The following KIF3C variants were observed in gnomAD, a reference collection of about 807,000 sequenced individuals.
KIF3C encodes kinesin-like protein KIF3C.
Under a neutral mutation model 67.7 loss-of-function variants are expected in KIF3C, and 12 were observed. That is an observed-to-expected ratio of 0.18 (90% CI 0.11 to 0.29). The LOEUF (loss-of-function observed/expected upper bound fraction) is 0.29, where lower values mean the gene tolerates loss of function less well. Ranked by LOEUF, KIF3C falls within the 10% of genes least tolerant of loss-of-function variation. The pLI, the probability that KIF3C is intolerant of heterozygous loss-of-function variation, is 1.00. For synonymous variants in KIF3C, 393 were observed against 426.2 expected, an observed-to-expected ratio of 0.92 and a Z score of 0.96; for missense variants, 789 against 1,059.6, an observed-to-expected ratio of 0.74 and a Z score of 3.55.
intron 5 of KIF3C, among the ~76,000 whole-genome samples, chr2:25,936,086 CAAAAA>C (rs529952771): frequency 4.4e-5 from 6 of 135,300 alleles, no homozygotes; most frequent in Middle Eastern, 3.6e-3. Flanking sequence ...GACTCAGTCT[CAAAAA>C]AAAAAAACAA....
At chr2:25,948,843 T>C (rs1663519169) in intron 5 of KIF3C, among the ~76,000 whole-genome samples, 1 of 152,154 alleles carries the variant, frequency 6.6e-6, no homozygotes, top group African/African-American at 2.4e-5. Context: ...CTGGATCATG[T>C]GCTTGAGGCA....
At chr2:25,930,128 G>A in intron 5 of KIF3C, 65 bp from the exon 6 acceptor site, 7 of 1,302,084 alleles carry the variant, frequency 5.4e-6, no homozygotes, top group Non-Finnish European at 7.8e-6. Flanking sequence ...GACATCATGA[G>A]GACCTAAATA....
At chr2:25,975,191 C>T (rs1664381626) in intron 1 of KIF3C, among the ~76,000 whole-genome samples, 1 of 152,216 alleles carries the variant, frequency 6.6e-6, no homozygotes, top group East Asian at 1.9e-4. Context: ...GACAGGGTTC[C>T]TCTCTGTCAC....
intron 3 of KIF3C, 44 bp from the exon 4 acceptor site, chr2:25,954,429 A>T (rs543119241): frequency 6.8e-7 from 1 of 1,467,652 alleles, no homozygotes; most frequent in South Asian, 1.1e-5. Context: ...TGGTGTGGCA[A>T]CGAGGCCCCA....
At position 25,981,862 on chromosome 2, in the gene KIF3C, G is replaced by T; in HGVS notation, c.56C>A (p.Pro19His). The change falls in exon 1 of 8, where the codon CCC becomes CAC. Residue 19 changes from proline (P) to histidine (H), a missense_variant. Transcript: ENST00000264712. This position sits in a 1 kb window ranked among gnomAD's most constrained non-coding sequence, Gnocchi z 8.2. ...AGCAGCCTCCTCCTTCCTGCTGAGG[G>T]GGCGGCACCGGGCCACCACCTTGAG... ...EALKVVARCRPLSRKEEAAGH... is the reference protein window; with the variant it reads ...EALKVVARCRHLSRKEEAAGH... 1 of 1,595,926 alleles carries T rather than the reference G, an allele frequency of 6.3e-7. No individual in the cohort carries two copies. The highest frequency in any genetic ancestry group is 1.1e-5 in the South Asian group (1 of 89,098).
rs939665465 is a variant in KIF3C, at chr2:25,980,556, C to T, written c.1362G>A (p.Glu454=). 4 of 1,614,048 alleles carry T rather than the reference C, an allele frequency of 2.5e-6. No individual in the cohort carries two copies. The Admixed American group carries it at 5.0e-5, about 20-fold the overall frequency. The change falls in exon 1 of 8, where the codon GAG becomes GAA. Residue 454 remains glutamate, a synonymous_variant. Transcript: ENST00000264712. This position sits in a 1 kb window ranked among gnomAD's most constrained non-coding sequence, Gnocchi z 7.6. ...CCTGCAGGTAATTCTCCATGTTCTT[C>T]TCCAAGGCTGACTCCAGGATGGGCT... is the stretch of plus-strand genomic sequence containing the variant. The part of the protein sequence containing the change: ...PPQPILESAL[E]KNMENYLQEQ...
At chr2:25,951,257 A>G (rs1281574074) in intron 5 of KIF3C, 4 of 152,942 alleles carry the variant, frequency 2.6e-5, no homozygotes, top group African/African-American at 9.7e-5. Context: ...AACAGGTGGA[A>G]ATGCTGAAAT....
chr2:25,929,908 G>A lies in KIF3C; in HGVS notation c.2115+47C>T, dbSNP rs754289057. The A allele has an allele frequency of 9.7e-5, 131 of 1,353,244 alleles. 1 individual carries two copies. The highest frequency in any genetic ancestry group is 6.6e-4 in the South Asian group (57 of 85,774). 83.8% of individuals were successfully genotyped at this position (1,353,244 alleles called of 1,614,324 possible). A position where few individuals can be genotyped will look rare whatever the true frequency, so the allele number is the denominator to read the frequency against. On this transcript the variant is annotated intron_variant, in intron 6 of 7. Transcript: ENST00000264712. ...TGGGATTACAGGTGTGAGACACCTCGCCCGGCCTCCCTCCCGTAGGCTCTT... is the reference window on the plus strand; with the variant it reads ...TGGGATTACAGGTGTGAGACACCTCACCCGGCCTCCCTCCCGTAGGCTCTT...
Position 25,981,985 on chromosome 2 carries a change from T to C in KIF3C, c.-68A>G. 7.5e-7 allele frequency: 1 copy of C among 1,329,016 alleles called. No individual in the cohort carries two copies. The highest frequency in any genetic ancestry group is 1.0e-6 in the Non-Finnish European group (1 of 988,250). 82.3% of individuals were successfully genotyped at this position (1,329,016 alleles called of 1,614,324 possible). ...TGGGCGGTCCTGCTATCCTGCTCGC[T>C]AGGTCGGGATCAGCGGGGCCGGCCC... On this transcript the variant is annotated 5_prime_UTR_variant, in exon 1 of 8. An upstream open reading frame in the 5' UTR loses its in-frame stop. Coordinates refer to ENST00000264712, the MANE Select transcript of KIF3C (RefSeq NM_002254.8). The surrounding 1 kb of genome is among the most constrained non-coding windows in gnomAD (Gnocchi z 8.2).
rs756040730 is a variant in KIF3C at position 25,928,988 on chromosome 2, T to C, written c.2372A>G (p.Asp791Gly). The C allele has an allele frequency of 3.7e-6, 6 of 1,613,278 alleles. No homozygotes were observed. The highest frequency in any genetic ancestry group is 5.1e-6 in the Non-Finnish European group (6 of 1,179,876). ...SASLRPATVA[D>G]HE Reference sequence around the variant, plus strand: ...CTGACGTGATGGTTGTCACTCATGGTCCGCCACTGTTGCAGGGCGCAGAGA... The same window carrying C: ...CTGACGTGATGGTTGTCACTCATGGCCCGCCACTGTTGCAGGGCGCAGAGA... The change falls in exon 8 of 8, where the codon GAC becomes GGC. Residue 791 changes from aspartate (D) to glycine (G), a missense_variant. Transcript: ENST00000264712.
chr2:25,971,836 C>T (rs1443100544), intron 1 of KIF3C, among the ~76,000 whole-genome samples: 2 of 145,896 alleles, frequency 1.4e-5, no homozygotes, highest in Non-Finnish European at 3.0e-5. Flanking sequence ...GCCTCCTGAG[C>T]AGCTAGGACT....
At chr2:25,950,061 T>A (rs908691605) in intron 5 of KIF3C, among the ~76,000 whole-genome samples, 1 of 150,992 alleles carries the variant, frequency 6.6e-6, no homozygotes, top group Admixed American at 6.6e-5. Context: ...CGGCTAATTT[T>A]TTGTATTTTT....
intron 4 of KIF3C, among the ~76,000 whole-genome samples, chr2:25,953,661 T>C (rs1663710179): frequency 7.3e-6 from 1 of 136,600 alleles, no homozygotes; most frequent in African/African-American, 2.9e-5. Context: ...CGCCCGGCCT[T>C]TTTTGTTTTT....
At chr2:25,934,942 TA>T (rs879902875) in intron 5 of KIF3C, among the ~76,000 whole-genome samples, 194 of 134,758 alleles carry the variant, frequency 1.4e-3, no homozygotes, top group Middle Eastern at 4.2e-3. Flanking sequence ...AGCTCTAATT[TA>T]AAAAAAAAAA....
intron 1 of KIF3C, among the ~76,000 whole-genome samples, chr2:25,957,166 C>T (rs1663826892): frequency 6.6e-6 from 1 of 152,184 alleles, no homozygotes; most frequent in Non-Finnish European, 1.5e-5. Context: ...AAGCCTTTAA[C>T]ACCATGGTTT....
intron 5 of KIF3C, among the ~76,000 whole-genome samples, chr2:25,943,341 C>T (rs1303916552): frequency 5.3e-5 from 8 of 152,082 alleles, no homozygotes; most frequent in African/African-American, 1.9e-4. Context: ...TGCCCTCAAC[C>T]TTCTGTGGTG....
chr2:25,963,135 T>G (rs1328656248), intron 1 of KIF3C, among the ~76,000 whole-genome samples: 1 of 103,360 alleles, frequency 9.7e-6, no homozygotes, highest in African/African-American at 3.9e-5. Flanking sequence ...TATATGTATA[T>G]ATATGCATAT....
chr2:25,955,416 A>G lies in KIF3C; in HGVS notation c.1770+125T>C. ...CCCCTGTTGCTCACCCCCGAGGCCA[A>G]GCCATGTCACTCAGGGGTTCAGCAG... is the stretch of plus-strand genomic sequence containing the variant. On this transcript the variant is annotated intron_variant, in intron 3 of 7. Coordinates refer to ENST00000264712, the MANE Select transcript of KIF3C (RefSeq NM_002254.8). This position sits in a 1 kb window ranked among gnomAD's most constrained non-coding sequence, Gnocchi z 5.0. 8.0e-7 allele frequency: 1 copy of G among 1,251,874 alleles called. No homozygotes were observed. The highest frequency in any genetic ancestry group is 1.1e-6 in the Non-Finnish European group (1 of 888,910). The allele number at this position is 1,251,874 out of a possible 1,614,324, so 77.5% of individuals were successfully genotyped here.
At position 25,955,875 on chromosome 2, in the gene KIF3C, G is replaced by A. The variant is rs1663795121; in HGVS notation, c.1648-212C>T. Among the ~76,000 whole-genome samples the A allele has an allele frequency of 6.6e-6, 1 of 152,076 alleles. No individual in the cohort carries two copies. The highest frequency in any genetic ancestry group is 6.5e-5 in the Admixed American group (1 of 15,276). On this transcript the variant is annotated intron_variant, in intron 2 of 7. Coordinates refer to ENST00000264712, the MANE Select transcript of KIF3C (RefSeq NM_002254.8). The surrounding 1 kb of genome is among the most constrained non-coding windows in gnomAD (Gnocchi z 5.0). Reference sequence around the variant, plus strand: ...ATGCCTTTGCCAGGCTCTGCCCCATGTGGATGGAGACCCCAGCCCCTAAGA... The same window carrying A: ...ATGCCTTTGCCAGGCTCTGCCCCATATGGATGGAGACCCCAGCCCCTAAGA...
Sources: allele counts gnomAD v4.1 joint callset (sites outside exome capture counted in the v4.1 genomes callset), GRCh38; gene constraint gnomAD v4.1.1; non-coding constraint Gnocchi (gnomAD v3.1); transcripts MANE v1.5; gene names NCBI Gene and HGNC (gene_info 2026-07-23, HGNC 2026-07-21).